Variants in SIX3 observed in about 807,000 individuals in gnomAD.
SIX3 encodes the protein homeobox protein SIX3.
SIX3 carries 2 observed loss-of-function variants against 21.7 expected under a neutral mutation model. The observed-to-expected ratio is 0.09, with a 90% CI of 0.04 to 0.29. SIX3 has a LOEUF of 0.29. Among genes scored for constraint, SIX3 ranks in the 10% least tolerant of loss-of-function variants. The pLI, the probability that SIX3 is intolerant of heterozygous loss-of-function variation, is 1.00. For missense variants in SIX3, 347 were observed against 480.7 expected, an observed-to-expected ratio of 0.72 and a Z score of 2.60; for synonymous variants, 243 against 220.6, an observed-to-expected ratio of 1.10 and a Z score of -0.90.
In SIX3 at chr2:44,941,824, C is replaced by T; in HGVS notation, c.-281C>T. Reference sequence around the variant, plus strand: ...CCCTCTCCTCTCTCCCTCTCCCTCTCCCTCTCTGTCTCGGGTTCTCTCTCT... The same window carrying T: ...CCCTCTCCTCTCTCCCTCTCCCTCTTCCTCTCTGTCTCGGGTTCTCTCTCT... On this transcript the variant is annotated 5_prime_UTR_variant, in exon 1 of 2. Transcript: ENST00000260653. 2 of 391,184 alleles carry T rather than the reference C, an allele frequency of 5.1e-6. No homozygotes were observed. The highest frequency in any genetic ancestry group is 5.7e-5 in the South Asian group (2 of 35,040). 24.2% of individuals were successfully genotyped at this position (391,184 alleles called of 1,614,324 possible). A position where few individuals can be genotyped will look rare whatever the true frequency, so the allele number is the denominator to read the frequency against.
In SIX3 at chr2:44,942,587, T is replaced by A; in HGVS notation, c.483T>A (p.Ser161=). ...AGAACCACAAGTTCACCAAGGAGTC[T>A]CACGGCAAGCTGCAGGCCATGTGGC... ...ILENHKFTKE[S]HGKLQAMWLE... The change falls in exon 1 of 2, where the codon TCT becomes TCA. Residue 161 remains serine, a synonymous_variant. Transcript: ENST00000260653. This position sits in a 1 kb window ranked among gnomAD's most constrained non-coding sequence, Gnocchi z 8.4. 6.3e-7 allele frequency: 1 copy of A among 1,598,444 alleles called. No individual in the cohort carries two copies. The highest frequency in any genetic ancestry group is 8.5e-7 in the Non-Finnish European group (1 of 1,179,642).
chr2:44,943,040 T>C, intron 1 of SIX3, 130 bp downstream of exon 1: 1 of 1,418,398 alleles, frequency 7.1e-7, no homozygotes, highest in Admixed American at 2.8e-5. Context: ...CGGAGAAAGT[T>C]TCCGCTTGTC....
rs78612853 is a variant in SIX3, at chr2:44,943,651, G to C, written c.806+741G>C. On this transcript the variant is annotated intron_variant, in intron 1 of 1. Coordinates refer to ENST00000260653, the MANE Select transcript of SIX3 (RefSeq NM_005413.4). Reference sequence around the variant, plus strand: ...GACCAACATCACAGGAGCTGGGCCTGGGGGAAGGAGAAAAAGAACCAGAGG... The same window carrying C: ...GACCAACATCACAGGAGCTGGGCCTCGGGGAAGGAGAAAAAGAACCAGAGG... Among the ~76,000 whole-genome samples, 3 of 152,238 alleles carry C rather than the reference G, an allele frequency of 2.0e-5. No homozygotes were observed. In the South Asian group the frequency reaches 6.2e-4, roughly 31 times the overall value.
chr2:44,943,672 A>T (rs1234025407), intron 1 of SIX3, among the ~76,000 whole-genome samples: 3 of 152,250 alleles, frequency 2.0e-5, no homozygotes, highest in African/African-American at 7.2e-5. Flanking sequence ...AAAAAGAACC[A>T]GAGGGAAAGA....
Position 44,944,558 on chromosome 2 carries a change from T to C in SIX3, c.807-10T>C. 1 of 1,565,928 alleles carries C rather than the reference T, an allele frequency of 6.4e-7. No individual in the cohort carries two copies. The highest frequency in any genetic ancestry group is 8.6e-7 in the Non-Finnish European group (1 of 1,162,998). ...GTGTCAGGGCGGGCGCGGATCTCTT[T>C]CTCCCGCAGGCTCCAGCACCAGGCC... On this transcript the variant is annotated splice_polypyrimidine_tract_variant and intron_variant, in intron 1 of 1. Transcript: ENST00000260653.
chr2:44,944,870 A>G lies in SIX3; in HGVS notation c.*110A>G. 9.6e-7 allele frequency: 1 copy of G among 1,040,850 alleles called. No homozygotes were observed. The allele number at this position is 1,040,850 out of a possible 1,614,324, so 64.5% of individuals were successfully genotyped here. On this transcript the variant is annotated 3_prime_UTR_variant, in exon 2 of 2. Transcript: ENST00000260653. ...CTTCCTTCTCCTCCTCCATCCCCAG[A>G]ACAAACCGAAATCAGGATACCCAAC...
Position 44,944,701 on chromosome 2 carries a change from G to A in SIX3, c.940G>A (p.Ala314Thr). ...CAGCGTGTCCAGCCTGACGGAGCGC[G>A]CAGACACCGGCACCTCCATCCTCTC... is the stretch of plus-strand genomic sequence containing the variant. ...TTSVSSLTERADTGTSILSVT... is the reference protein window; with the variant it reads ...TTSVSSLTERTDTGTSILSVT... Residue 314 changes from alanine to threonine, a missense_variant, in exon 2 of 2, where the codon GCA becomes ACA. By Grantham distance (58) the Ala-to-Thr change is moderately conservative. Around this residue, in one of 4 missense-constraint regions of SIX3, gnomAD observed 110 missense variants for 93.3 expected, o/e 1.18. Coordinates refer to ENST00000260653, the MANE Select transcript of SIX3 (RefSeq NM_005413.4). 6.3e-7 allele frequency: 1 copy of A among 1,588,216 alleles called. No individual in the cohort carries two copies. Among genetic ancestry groups the A allele is most frequent in the East Asian group, 2.3e-5 (1 of 44,034 alleles).
chr2:44,944,757 A>C lies in SIX3; in HGVS notation c.996A>C (p.Val332=). The change falls in exon 2 of 2, where the codon GTA becomes GTC. Residue 332 remains valine (V), a synonymous_variant. Coordinates refer to ENST00000260653, the MANE Select transcript of SIX3 (RefSeq NM_005413.4). ...CCTCCAGCGACTCGGAATGTGATGT[A>C]TGATAGCCAAGGCCGCCCTCCTCCC... The part of the protein sequence containing the change: ...SVTSSDSECD[V] The C allele has an allele frequency of 6.3e-7, 1 of 1,582,650 alleles. No individual in the cohort carries two copies. The highest frequency in any genetic ancestry group is 1.1e-5 in the South Asian group (1 of 88,302).
Position 44,945,090 on chromosome 2 carries a change from T to G in SIX3, c.*330T>G, listed in dbSNP as rs950246953. 12 of 419,450 alleles carry G rather than the reference T, an allele frequency of 2.9e-5. No homozygotes were observed. The highest frequency in any genetic ancestry group is 4.8e-5 in the Non-Finnish European group (11 of 228,512). 26.0% of individuals were successfully genotyped at this position (419,450 alleles called of 1,614,324 possible). On this transcript the variant is annotated 3_prime_UTR_variant, in exon 2 of 2. Transcript: ENST00000260653. ...GCAGAAAACATAAAAGAGGTGACAATTGTATACTTTCTAGGACAAGCACGG... is the reference window on the plus strand; with the variant it reads ...GCAGAAAACATAAAAGAGGTGACAAGTGTATACTTTCTAGGACAAGCACGG...
In SIX3 at chr2:44,941,800, C is replaced by T. The variant is rs1666574326; in HGVS notation, c.-305C>T. On this transcript the variant is annotated 5_prime_UTR_variant, in exon 1 of 2. Coordinates refer to ENST00000260653, the MANE Select transcript of SIX3 (RefSeq NM_005413.4). ...CTTGACTCGGCGGTGGTTGGCTCTC[C>T]CTCTCCTCTCTCCCTCTCCCTCTCC... 2 of 345,872 alleles carry T rather than the reference C, an allele frequency of 5.8e-6. No homozygotes were observed. The highest frequency in any genetic ancestry group is 3.4e-5 in the South Asian group (1 of 29,318). The allele number at this position is 345,872 out of a possible 1,614,324, so 21.4% of individuals were successfully genotyped here. A position where few individuals can be genotyped will look rare whatever the true frequency, so the allele number is the denominator to read the frequency against.
rs1666574326 is a variant in SIX3, at chr2:44,941,800, C to G, written c.-305C>G. 1 of 345,872 alleles carries G rather than the reference C, an allele frequency of 2.9e-6. No individual in the cohort carries two copies. Among genetic ancestry groups the G allele is most frequent in the Admixed American group, 4.0e-5 (1 of 25,006 alleles). 21.4% of individuals were successfully genotyped at this position (345,872 alleles called of 1,614,324 possible). ...CTTGACTCGGCGGTGGTTGGCTCTC[C>G]CTCTCCTCTCTCCCTCTCCCTCTCC... On this transcript the variant is annotated 5_prime_UTR_variant, in exon 1 of 2. Transcript: ENST00000260653.
At chr2:44,943,900 T>G (rs554563981) in intron 1 of SIX3, among the ~76,000 whole-genome samples, 15 of 152,280 alleles carry the variant, frequency 9.9e-5, no homozygotes, top group Admixed American at 5.9e-4. Flanking sequence ...GGCCGGGACC[T>G]GAGCCCATGG....
At position 44,944,893 on chromosome 2, in the gene SIX3, A is replaced by T. The variant is rs904059426; in HGVS notation, c.*133A>T. On this transcript the variant is annotated 3_prime_UTR_variant, in exon 2 of 2. Transcript: ENST00000260653. ...AGAACAAACCGAAATCAGGATACCC[A>T]ACCATACACACATACAAGTCCACAC... The T allele has an allele frequency of 6.3e-6, 5 of 796,786 alleles. No individual in the cohort carries two copies. Among genetic ancestry groups the T allele is most frequent in the Non-Finnish European group, 1.1e-5 (5 of 475,158 alleles). The allele number at this position is 796,786 out of a possible 1,614,324, so 49.4% of individuals were successfully genotyped here. A position where few individuals can be genotyped will look rare whatever the true frequency, so the allele number is the denominator to read the frequency against.
At chr2:44,943,226 C>T (rs1234201600) in intron 1 of SIX3, among the ~76,000 whole-genome samples, 1 of 152,252 alleles carries the variant, frequency 6.6e-6, no homozygotes. Flanking sequence ...GCCAGCTCGG[C>T]GATCCTCTGG....
Position 44,942,462 on chromosome 2 carries a change from G to C in SIX3, c.358G>C (p.Gly120Arg). Reference protein sequence around the residue: ...RFLWSLPVAPGACEAINKHES... With the variant: ...RFLWSLPVAPRACEAINKHES... Reference sequence around the variant, plus strand: ...CCTCTGGTCGCTGCCCGTGGCCCCCGGGGCGTGCGAGGCCATCAACAAACA... The same window carrying C: ...CCTCTGGTCGCTGCCCGTGGCCCCCCGGGCGTGCGAGGCCATCAACAAACA... Residue 120 changes from glycine (G) to arginine (R), a missense_variant, in exon 1 of 2, where the codon GGG becomes CGG. Gly to Arg is a moderately radical substitution (Grantham distance 125). Transcript: ENST00000260653. The surrounding 1 kb of genome is among the most constrained non-coding windows in gnomAD (Gnocchi z 8.4). 7 of 1,595,866 alleles carry C rather than the reference G, an allele frequency of 4.4e-6. No individual in the cohort carries two copies. Among genetic ancestry groups the C allele is most frequent in the Non-Finnish European group, 5.9e-6 (7 of 1,178,600 alleles).
Position 44,945,601 on chromosome 2 carries a change from T to A in SIX3, c.*841T>A, listed in dbSNP as rs1359030588. On this transcript the variant is annotated 3_prime_UTR_variant, in exon 2 of 2. Coordinates refer to ENST00000260653, the MANE Select transcript of SIX3 (RefSeq NM_005413.4). ...GGTTATAAATGTGGAAAAAGAATAG[T>A]TATGACTGTAACAGATTTTTATTTT... is the stretch of plus-strand genomic sequence containing the variant. The A allele has an allele frequency of 6.6e-6, 1 of 152,240 alleles. No homozygotes were observed. Among genetic ancestry groups the A allele is most frequent in the African/African-American group, 2.4e-5 (1 of 41,468 alleles). 9.4% of individuals were successfully genotyped at this position (152,240 alleles called of 1,614,324 possible).
chr2:44,944,445 G>A (rs1467955761), intron 1 of SIX3, 123 bp from the exon 2 acceptor site: 2 of 1,175,968 alleles, frequency 1.7e-6, no homozygotes, highest in Non-Finnish European at 2.4e-6. Flanking sequence ...CCTCTCCTCC[G>A]AGGCCAGCCT....
chr2:44,944,708 C>T lies in SIX3; in HGVS notation c.947C>T (p.Thr316Ile), dbSNP rs201922529. ...TCCAGCCTGACGGAGCGCGCAGACA[C>T]CGGCACCTCCATCCTCTCGGTAACC... The part of the protein sequence containing the change: ...SVSSLTERAD[T>I]GTSILSVTSS... The change falls in exon 2 of 2, where the codon ACC becomes ATC. Residue 316 changes from threonine (T) to isoleucine (I), a missense_variant. Thr to Ile is a moderately conservative substitution (Grantham distance 89, BLOSUM62 -1). Around this residue, in one of 4 missense-constraint regions of SIX3, gnomAD observed 110 missense variants for 93.3 expected, o/e 1.18. Transcript: ENST00000260653. 2.9e-4 allele frequency: 462 copies of T among 1,588,520 alleles called. 2 individuals are homozygous for T. The highest frequency in any genetic ancestry group is 2.0e-4 in the Admixed American group (12 of 58,924).
At chr2:44,943,082 T>C (rs1666611722) in intron 1 of SIX3, among the ~76,000 whole-genome samples, 172 bp downstream of exon 1, 1 of 151,568 alleles carries the variant, frequency 6.6e-6, no homozygotes, top group Non-Finnish European at 1.5e-5. Context: ...CCGGGCTGGC[T>C]GTGGGTGTAT....
Sources: allele counts gnomAD v4.1 joint callset (sites outside exome capture counted in the v4.1 genomes callset), GRCh38; gene constraint gnomAD v4.1.1; regional missense constraint gnomAD v4.1.1; non-coding constraint Gnocchi (gnomAD v3.1); transcripts MANE v1.5; gene names NCBI Gene and HGNC (gene_info 2026-07-23, HGNC 2026-07-21).